Variants in LGSN observed in about 807,000 individuals in gnomAD.
LGSN encodes the protein lengsin, lens protein with glutamine synthetase domain.
A neutral mutation model predicts 19.5 loss-of-function variants in LGSN; 21 were observed. The observed-to-expected ratio is 1.07, with a 90% CI of 0.76 to 1.55. The LOEUF (loss-of-function observed/expected upper bound fraction) is 1.55. Ranked by LOEUF, LGSN falls within the 40% of genes most tolerant of loss-of-function variation. LGSN has a pLI of 0.00. For missense variants in LGSN, 673 were observed against 608.5 expected, an observed-to-expected ratio of 1.11 and a Z score of -1.12; for synonymous variants, 257 against 215.6, an observed-to-expected ratio of 1.19 and a Z score of -1.68.
At chr6:63,571,694 G>T in the LGSN span, 4 of 152,208 alleles carry the variant, frequency 2.6e-5, no homozygotes, top group South Asian at 8.3e-4. Flanking sequence ...GGATGCATGT[G>T]ATTTCGAAAT....
At chr6:63,563,225 T>C in the LGSN span, among the ~76,000 whole-genome samples, 1 of 152,222 alleles carries the variant, frequency 6.6e-6, no homozygotes, top group Non-Finnish European at 1.5e-5. Context: ...TCCTGATATG[T>C]GGTGTGATTC....
At chr6:63,504,281 GC>G in the LGSN span, among the ~76,000 whole-genome samples, 1 of 146,798 alleles carries the variant, frequency 6.8e-6, no homozygotes. Context: ...TCGCTCTGTT[GC>G]CCAGGCTGGA....
chr6:63,396,469 C>T, the LGSN span: 1 of 168,378 alleles, frequency 5.9e-6, no homozygotes, highest in South Asian at 1.5e-4. Context: ...CCTTAGGGCT[C>T]AGAGGAGGTG....
chr6:63,324,469 C>T (rs771155743), upstream of LGSN, among the ~76,000 whole-genome samples: 2 of 152,164 alleles, frequency 1.3e-5, no homozygotes, highest in Non-Finnish European at 2.9e-5. Flanking sequence ...TACACATTGT[C>T]TTCATGAGCA....
At chr6:63,300,309 G>GCT (rs1768135346) in intron 1 of LGSN, among the ~76,000 whole-genome samples, 1 of 152,210 alleles carries the variant, frequency 6.6e-6, no homozygotes, top group Non-Finnish European at 1.5e-5. Flanking sequence ...GGACATTAGG[G>GCT]AGAATACCTA....
chr6:63,423,170 G>A, the LGSN span, among the ~76,000 whole-genome samples: 22 of 152,130 alleles, frequency 1.4e-4, no homozygotes, highest in African/African-American at 5.1e-4. Context: ...AACACAATGA[G>A]ATCCTGTCTC....
chr6:63,479,717 G>A, the LGSN span, among the ~76,000 whole-genome samples: 7 of 149,964 alleles, frequency 4.7e-5, no homozygotes, highest in Non-Finnish European at 1.0e-4. Flanking sequence ...TCCAGCTTGG[G>A]CGACAGAGTG....
the LGSN span, among the ~76,000 whole-genome samples, chr6:63,326,194 G>A: frequency 6.6e-6 from 1 of 151,420 alleles, no homozygotes; most frequent in Non-Finnish European, 1.5e-5. Flanking sequence ...GCTGATTGGT[G>A]TGTTACAAAC....
chr6:63,310,926 G>A (rs766954772), intron 1 of LGSN, among the ~76,000 whole-genome samples: 24 of 152,148 alleles, frequency 1.6e-4, no homozygotes, highest in Non-Finnish European at 1.9e-4. Context: ...CTAAAGTGTT[G>A]GCTAACTTTC....
the LGSN span, among the ~76,000 whole-genome samples, chr6:63,382,720 G>A: frequency 6.6e-6 from 1 of 152,146 alleles, no homozygotes; most frequent in East Asian, 1.9e-4. Flanking sequence ...TCTCTCTTCT[G>A]TTTGGCTCAC....
the LGSN span, among the ~76,000 whole-genome samples, chr6:63,475,878 T>C: frequency 2.0e-5 from 3 of 152,256 alleles, no homozygotes; most frequent in African/African-American, 7.2e-5. Context: ...ACTGCTGAAA[T>C]TCTGGCAGGC....
At chr6:63,418,364 C>A in the LGSN span, among the ~76,000 whole-genome samples, 1 of 152,038 alleles carries the variant, frequency 6.6e-6, no homozygotes, top group Non-Finnish European at 1.5e-5. Context: ...AGATCGAGAC[C>A]ATCCTGGCCA....
the LGSN span, among the ~76,000 whole-genome samples, chr6:63,489,855 G>T: frequency 1.4e-4 from 22 of 151,908 alleles, no homozygotes; most frequent in Non-Finnish European, 2.9e-4. Flanking sequence ...GATTACAGAC[G>T]CATGCCACCA....
the LGSN span, among the ~76,000 whole-genome samples, chr6:63,419,673 G>A: frequency 6.6e-6 from 1 of 151,630 alleles, no homozygotes; most frequent in East Asian, 1.9e-4. Flanking sequence ...CGGATTGCCT[G>A]AGCCCAGGAG....
the LGSN span, among the ~76,000 whole-genome samples, chr6:63,436,117 G>C: frequency 3.9e-5 from 6 of 152,088 alleles, no homozygotes; most frequent in East Asian, 1.2e-3. Context: ...GAACATTGCT[G>C]ACCACCTCAT....
At chr6:63,386,402 C>CTAT in the LGSN span, among the ~76,000 whole-genome samples, 36 of 151,634 alleles carry the variant, frequency 2.4e-4, no homozygotes, top group South Asian at 8.4e-4. Flanking sequence ...TTTTATTTTA[C>CTAT]TATTATTATT....
chr6:63,326,630 G>A, the LGSN span, among the ~76,000 whole-genome samples: 2 of 152,270 alleles, frequency 1.3e-5, no homozygotes, highest in South Asian at 2.1e-4. Flanking sequence ...GCAAGAAATC[G>A]AGCACAGCGC....
the LGSN span, among the ~76,000 whole-genome samples, chr6:63,458,969 T>C: frequency 6.6e-6 from 1 of 152,216 alleles, no homozygotes; most frequent in Non-Finnish European, 1.5e-5. Flanking sequence ...GTGAAACCCT[T>C]TGTTTATTCA....
chr6:63,364,679 G>A, the LGSN span, among the ~76,000 whole-genome samples: 45 of 152,188 alleles, frequency 3.0e-4, no homozygotes, highest in African/African-American at 1.1e-3. Context: ...TGGCCGCATA[G>A]TTGGAAGTAA....
Sources: gnomAD v4.1 joint callset for allele counts (sites outside exome capture counted in the v4.1 genomes callset) on GRCh38, gnomAD v4.1.1 for gene constraint, MANE v1.5 for transcripts, NCBI Gene and HGNC (gene_info 2026-07-23, HGNC 2026-07-21) for gene names.